Variants in GRAMD1B observed in about 807,000 individuals in gnomAD.
The protein encoded by GRAMD1B is protein Aster-B.
A neutral mutation model predicts 99.7 loss-of-function variants in GRAMD1B; 37 were observed. The ratio of observed to expected loss-of-function variants is 0.37; its 90% CI spans 0.29 to 0.49. The LOEUF (loss-of-function observed/expected upper bound fraction) is 0.49, where lower values mean the gene tolerates loss of function less well. GRAMD1B is among the 20% of genes least tolerant of loss of function. GRAMD1B has a pLI of 0.98. For missense variants in GRAMD1B, 888 were observed against 1,009.2 expected (o/e 0.88, Z 1.63); for synonymous variants, 427 against 387.6 (o/e 1.10, Z -1.19).
intron 2 of GRAMD1B, among the ~76,000 whole-genome samples, chr11:123,559,880 C>T (rs962646392): frequency 1.3e-5 from 2 of 152,326 alleles, no homozygotes; most frequent in African/African-American, 4.8e-5. Context: ...GAGAGAGCCG[C>T]CATCCTTTGA....
intron 2 of GRAMD1B, among the ~76,000 whole-genome samples, chr11:123,555,435 G>A (rs1946084069): frequency 6.6e-6 from 1 of 152,130 alleles, no homozygotes; most frequent in South Asian, 2.1e-4. Flanking sequence ...TGCAACCTCT[G>A]CCTCCTGGGT....
chr11:123,368,784 T>A (rs944347490), intron 1 of GRAMD1B, among the ~76,000 whole-genome samples: 1 of 142,036 alleles, frequency 7.0e-6, no homozygotes, highest in Non-Finnish European at 1.5e-5. Flanking sequence ...GCCATTGGAG[T>A]GAAGATTTGG....
intron 14 of GRAMD1B, among the ~76,000 whole-genome samples, chr11:123,612,187 C>T (rs1373618398): frequency 6.6e-6 from 1 of 152,064 alleles, no homozygotes; most frequent in African/African-American, 2.4e-5. Context: ...CCACCTCAAC[C>T]TCCCATTAGC....
At chr11:123,422,964 G>C (rs2136040886) in intron 1 of GRAMD1B, among the ~76,000 whole-genome samples, 1 of 152,122 alleles carries the variant, frequency 6.6e-6, no homozygotes, top group East Asian at 1.9e-4. Flanking sequence ...CAGATTTGAA[G>C]CAACTGAGGC....
intron 1 of GRAMD1B, among the ~76,000 whole-genome samples, chr11:123,399,434 C>G (rs923638685): frequency 2.0e-5 from 3 of 152,138 alleles, no homozygotes; most frequent in Admixed American, 2.0e-4. Context: ...ATTTCAGTTT[C>G]TTTGGATAAA....
intron 8 of GRAMD1B, among the ~76,000 whole-genome samples, chr11:123,601,453 A>C (rs1260630502): frequency 6.6e-6 from 1 of 151,758 alleles, no homozygotes; most frequent in Non-Finnish European, 1.5e-5. Flanking sequence ...AAGCCAGAGA[A>C]AGAGATGTAG....
rs1460025876 is a variant in GRAMD1B at position 123,430,811 on chromosome 11, A to T, written c.19A>T (p.Met7Leu). Reference sequence around the variant, plus strand: ...GGCCCCCATGCCGGCGGCCAACATGATGGAGAACCGGCCGCTGCCCGCCCT... The same window carrying T: ...GGCCCCCATGCCGGCGGCCAACATGTTGGAGAACCGGCCGCTGCCCGCCCT... MPAANMMENRPLPALQV... is the reference protein window; with the variant it reads MPAANMLENRPLPALQV... Residue 7 changes from methionine (M) to leucine (L), a missense_variant, in exon 1 of 20, where the codon ATG becomes TTG. Transcript: ENST00000635736. 4.3e-6 allele frequency: 3 copies of T among 692,994 alleles called. No homozygotes were observed. The highest frequency in any genetic ancestry group is 2.0e-5 in the Admixed American group (1 of 49,060). 42.9% of individuals were successfully genotyped at this position (692,994 alleles called of 1,614,324 possible).
At chr11:123,601,553 G>C (rs1156509653) in intron 8 of GRAMD1B, among the ~76,000 whole-genome samples, 4 of 150,964 alleles carry the variant, frequency 2.6e-5, no homozygotes, top group Non-Finnish European at 5.9e-5. Flanking sequence ...GTGTATGATT[G>C]ACATGGGTGT....
chr11:123,517,071 C>T (rs868755607), intron 2 of GRAMD1B, among the ~76,000 whole-genome samples: 1 of 152,246 alleles, frequency 6.6e-6, no homozygotes, highest in South Asian at 2.1e-4. Context: ...AGGTGCACAC[C>T]ACCACGTCCA....
At chr11:123,424,702 A>G (rs60612189) in intron 1 of GRAMD1B, among the ~76,000 whole-genome samples, 196 of 152,320 alleles carry the variant, frequency 1.3e-3, no homozygotes, top group African/African-American at 4.6e-3. Context: ...CCATTCCTCC[A>G]TAGGACCTGC....
At chr11:123,501,469 C>G (rs1225777665) in intron 2 of GRAMD1B, among the ~76,000 whole-genome samples, 1 of 152,212 alleles carries the variant, frequency 6.6e-6, no homozygotes, top group Non-Finnish European at 1.5e-5. Context: ...CTGCGCCAGC[C>G]TGGAGCCCAA....
rs1390628564 is a variant in GRAMD1B, at chr11:123,622,550, C to T, written c.2589C>T (p.Arg863=). ...LINLQNGIRS[R]DYTSESEEKR... ...ACCTTCAGAACGGCATCAGGTCCCG[C>T]GACTACACGTCGGAAAGTGAAGAAA... The change falls in exon 20 of 20, where the codon CGC becomes CGT. Residue 863 remains arginine, a synonymous_variant. Transcript: ENST00000635736. The T allele has an allele frequency of 7.1e-6, 11 of 1,557,638 alleles. No homozygotes were observed. Among genetic ancestry groups the T allele is most frequent in the Admixed American group, 5.8e-5 (3 of 51,994 alleles).
intron 2 of GRAMD1B, among the ~76,000 whole-genome samples, chr11:123,574,138 C>T (rs1948461369): frequency 6.7e-6 from 1 of 149,986 alleles, no homozygotes; most frequent in Admixed American, 6.7e-5. Context: ...AGGGCAAGGG[C>T]TCTTTAGGCT....
chr11:123,483,017 C>T (rs1201864593), intron 2 of GRAMD1B, among the ~76,000 whole-genome samples: 5 of 149,968 alleles, frequency 3.3e-5, no homozygotes, highest in African/African-American at 1.2e-4. Flanking sequence ...GATTGTGCCA[C>T]TGCACTCCAG....
At chr11:123,602,859 CTG>C (rs1463484003) in intron 8 of GRAMD1B, among the ~76,000 whole-genome samples, 1 of 152,190 alleles carries the variant, frequency 6.6e-6, no homozygotes, top group Admixed American at 6.5e-5. Context: ...GTTCCTAAAA[CTG>C]TGGGAACGTA....
At chr11:123,449,733 A>ATTTTTT (rs1591561725) in intron 1 of GRAMD1B, among the ~76,000 whole-genome samples, 1 of 50,454 alleles carries the variant, frequency 2.0e-5, no homozygotes, top group East Asian at 5.4e-4. Context: ...TTTTTTTTTG[A>ATTTTTT]GACAGGGTCT....
chr11:123,379,899 C>T (rs1324732370), intron 1 of GRAMD1B, among the ~76,000 whole-genome samples: 7 of 152,172 alleles, frequency 4.6e-5, no homozygotes, highest in Admixed American at 2.0e-4. Flanking sequence ...CCATGAAGTG[C>T]TATCTATTGT....
chr11:123,488,983 A>AT (rs1938214289), intron 2 of GRAMD1B, among the ~76,000 whole-genome samples: 1 of 152,020 alleles, frequency 6.6e-6, no homozygotes, highest in Non-Finnish European at 1.5e-5. Context: ...GACCCCTTAG[A>AT]TGGCCCAGGA....
At chr11:123,475,200 A>G (rs1482676744) in intron 1 of GRAMD1B, among the ~76,000 whole-genome samples, 1 of 152,188 alleles carries the variant, frequency 6.6e-6, no homozygotes, top group Non-Finnish European at 1.5e-5. Context: ...CACTGGAATC[A>G]TGAGAATTTG....
Sources: allele counts gnomAD v4.1 joint callset (sites outside exome capture counted in the v4.1 genomes callset), GRCh38; gene constraint gnomAD v4.1.1; transcripts MANE v1.5; gene names NCBI Gene and HGNC (gene_info 2026-07-23, HGNC 2026-07-21).